The following EPC2 variants were observed in gnomAD, a reference collection of about 807,000 sequenced individuals.
The protein encoded by EPC2 is enhancer of polycomb homolog 2.
Under a neutral mutation model 92.1 loss-of-function variants are expected in EPC2, and 14 were observed. The observed-to-expected ratio is 0.15, with a 90% CI of 0.10 to 0.24. EPC2 has a LOEUF of 0.24. Ranked by LOEUF, EPC2 falls within the 10% of genes least tolerant of loss-of-function variation. The pLI is 1.00. For missense variants in EPC2, 755 were observed against 971.5 expected (o/e 0.78, Z 2.96); for synonymous variants, 340 against 334.7 (o/e 1.02, Z -0.17).
At chr2:148,734,622 G>A (rs1682714596) in intron 2 of EPC2, among the ~76,000 whole-genome samples, 1 of 151,900 alleles carries the variant, frequency 6.6e-6, no homozygotes, top group Non-Finnish European at 1.5e-5. Context: ...ACTTTGTAGG[G>A]GGCAGTGTAA....
intron 10 of EPC2, among the ~76,000 whole-genome samples, chr2:148,777,529 CTT>C (rs1683669834): frequency 1.9e-5 from 2 of 102,746 alleles, no homozygotes; most frequent in African/African-American, 3.1e-5. Flanking sequence ...AACAAAAAAT[CTT>C]TGTTAGTTAA....
Position 148,644,870 on chromosome 2 carries a change from T to A in EPC2, c.-148T>A. 13 of 635,012 alleles carry A rather than the reference T, an allele frequency of 2.0e-5. No individual in the cohort carries two copies. Among genetic ancestry groups the A allele is most frequent in the East Asian group, 6.7e-5 (2 of 29,764 alleles). The allele number at this position is 635,012 out of a possible 1,614,324, so 39.3% of individuals were successfully genotyped here. Reference sequence around the variant, plus strand: ...TGTTTTCGGGCGGGGTGGGCGCCCATGCTGTGGCCGGGGGCAGTGAGGAGG... The same window carrying A: ...TGTTTTCGGGCGGGGTGGGCGCCCAAGCTGTGGCCGGGGGCAGTGAGGAGG... On this transcript the variant is annotated 5_prime_UTR_variant, in exon 1 of 14. An upstream start codon of the reference 5' UTR is lost. Transcript: ENST00000258484.
intron 1 of EPC2, among the ~76,000 whole-genome samples, chr2:148,671,809 C>G (rs1350752065): frequency 6.6e-6 from 1 of 151,982 alleles, no homozygotes; most frequent in African/African-American, 2.4e-5. Flanking sequence ...TTTCCTCTTC[C>G]TCCTTGCATT....
At chr2:148,733,068 C>G (rs1167664380) in intron 2 of EPC2, among the ~76,000 whole-genome samples, 2 of 150,402 alleles carry the variant, frequency 1.3e-5, no homozygotes, top group Non-Finnish European at 2.9e-5. Flanking sequence ...CTAGTCAATC[C>G]TTAAGGAAGA....
At chr2:148,685,917 G>A (rs985776625) in intron 1 of EPC2, among the ~76,000 whole-genome samples, 6 of 152,258 alleles carry the variant, frequency 3.9e-5, no homozygotes, top group East Asian at 1.9e-4. Context: ...CTGAGCTTTC[G>A]GTTATTCACA....
intron 1 of EPC2, among the ~76,000 whole-genome samples, chr2:148,679,332 A>G (rs1681342411): frequency 1.3e-5 from 2 of 152,340 alleles, no homozygotes; most frequent in Admixed American, 6.5e-5. Flanking sequence ...AAATGATGCC[A>G]TAACTAAGAG....
chr2:148,662,383 C>T (rs556949296), intron 1 of EPC2, among the ~76,000 whole-genome samples: 2 of 152,168 alleles, frequency 1.3e-5, no homozygotes, highest in African/African-American at 4.8e-5. Flanking sequence ...TTTATTGCGG[C>T]ACTTTTCACA....
At chr2:148,657,024 G>A (rs566068541) in intron 1 of EPC2, among the ~76,000 whole-genome samples, 10 of 151,722 alleles carry the variant, frequency 6.6e-5, no homozygotes, top group Non-Finnish European at 1.2e-4. Context: ...CTGTTGTTAC[G>A]CTCATATAGG....
At chr2:148,730,402 G>A (rs1682593133) in intron 2 of EPC2, among the ~76,000 whole-genome samples, 1 of 152,198 alleles carries the variant, frequency 6.6e-6, no homozygotes, top group Non-Finnish European at 1.5e-5. Context: ...TTAAAGTTCA[G>A]TGTATTTCAC....
At chr2:148,694,824 G>A (rs1037954831) in intron 2 of EPC2, among the ~76,000 whole-genome samples, 9 of 152,228 alleles carry the variant, frequency 5.9e-5, no homozygotes, top group African/African-American at 9.6e-5. Flanking sequence ...GAGTGCAGTG[G>A]TGCAATATCT....
At chr2:148,705,702 G>C (rs986311964) in intron 2 of EPC2, among the ~76,000 whole-genome samples, 3 of 151,962 alleles carry the variant, frequency 2.0e-5, no homozygotes, top group African/African-American at 7.2e-5. Context: ...TGATACCCAA[G>C]CAAACGGTCT....
At chr2:148,739,833 C>CTTTTTTTTTTTTTTTTTTTTTTTTT (rs144868417) in intron 2 of EPC2, among the ~76,000 whole-genome samples, 15 of 81,298 alleles carry the variant, frequency 1.8e-4, no homozygotes, top group Admixed American at 3.9e-4. Context: ...TCTTCTTCTT[C>CTTTTTTTTTTTTTTTTTTTTTTTTT]TTTTTTTTTT....
At chr2:148,654,639 C>G (rs1260999850) in intron 1 of EPC2, among the ~76,000 whole-genome samples, 1 of 152,146 alleles carries the variant, frequency 6.6e-6, no homozygotes. Context: ...GCCTGGATGA[C>G]AGAGTGAGAC....
chr2:148,776,856 C>CTCTTTTTTTT (rs1247135854), intron 10 of EPC2, among the ~76,000 whole-genome samples: 5 of 101,030 alleles, frequency 4.9e-5, no homozygotes, highest in East Asian at 3.4e-4. Context: ...GTCTCTCTCT[C>CTCTTTTTTTT]TTTTTTTTTT....
intron 7 of EPC2, among the ~76,000 whole-genome samples, chr2:148,768,290 G>T (rs1683454044): frequency 6.6e-6 from 1 of 152,114 alleles, no homozygotes; most frequent in African/African-American, 2.4e-5. Context: ...ATAATTATGG[G>T]TGGAAATTTA....
chr2:148,665,092 G>A (rs988501536), intron 1 of EPC2, among the ~76,000 whole-genome samples: 4 of 152,132 alleles, frequency 2.6e-5, no homozygotes, highest in Non-Finnish European at 5.9e-5. Flanking sequence ...CTGTAGCTAC[G>A]CATTACCTGG....
At chr2:148,724,411 T>G (rs1446413780) in intron 2 of EPC2, among the ~76,000 whole-genome samples, 2 of 152,118 alleles carry the variant, frequency 1.3e-5, no homozygotes, top group East Asian at 3.8e-4. Context: ...TATCCATCAA[T>G]GCTGTAGAAC....
intron 2 of EPC2, among the ~76,000 whole-genome samples, chr2:148,721,105 T>C (rs1184693786): frequency 1.3e-5 from 2 of 152,188 alleles, no homozygotes; most frequent in Non-Finnish European, 2.9e-5. Flanking sequence ...AGTTTTTATT[T>C]TACCCTTTCT....
chr2:148,686,385 GTTAC>G (rs1681524793), intron 1 of EPC2, among the ~76,000 whole-genome samples: 1 of 152,184 alleles, frequency 6.6e-6, no homozygotes, highest in Non-Finnish European at 1.5e-5. Flanking sequence ...TACATCTTCA[GTTAC>G]TTCCTTTACT....
Sources: gnomAD v4.1 joint callset for allele counts (sites outside exome capture counted in the v4.1 genomes callset) on GRCh38, gnomAD v4.1.1 for gene constraint, MANE v1.5 for transcripts, NCBI Gene and HGNC (gene_info 2026-07-23, HGNC 2026-07-21) for gene names.